CAMTA1: variants seen among roughly 807,000 people sequenced by gnomAD.
CAMTA1 encodes calmodulin-binding transcription activator 1.
In CAMTA1, 27 loss-of-function variants were observed where a neutral mutation model predicts 170.9. The observed-to-expected ratio is 0.16, with a 90% CI of 0.12 to 0.22. The LOEUF (loss-of-function observed/expected upper bound fraction) is 0.22. Ranked by LOEUF, CAMTA1 falls within the 10% of genes least tolerant of loss-of-function variation. The pLI is 1.00. For missense variants in CAMTA1, 1,619 were observed against 2,217.2 expected, an observed-to-expected ratio of 0.73 and a Z score of 5.42; for synonymous variants, 833 against 891.5, an observed-to-expected ratio of 0.93 and a Z score of 1.17.
rs935765894 is a variant in CAMTA1, at chr1:7,325,662, C to A, written c.438+76036C>A. Reference sequence around the variant, plus strand: ...TTTCTGCATGTTTTTGTCTTGAGCACCTAGAAGAATAGAGTGGGCAGTAAC... The same window carrying A: ...TTTCTGCATGTTTTTGTCTTGAGCAACTAGAAGAATAGAGTGGGCAGTAAC... On this transcript the variant is annotated intron_variant, in intron 5 of 22. Transcript: ENST00000303635. This position sits in a 1 kb window ranked among gnomAD's most constrained non-coding sequence, Gnocchi z 5.0. 1.3e-5 allele frequency among the ~76,000 whole-genome samples: 2 copies of A among 152,068 alleles called. No homozygotes were observed. The highest frequency in any genetic ancestry group is 4.8e-5 in the African/African-American group (2 of 41,384).
intron 3 of CAMTA1, among the ~76,000 whole-genome samples, chr1:6,945,820 G>A (rs1197446366): frequency 3.9e-5 from 6 of 152,194 alleles, no homozygotes; most frequent in Non-Finnish European, 1.5e-5. Context: ...CCATGTTGTA[G>A]CGTGTATCAG....
At chr1:7,477,845 G>A (rs765782367) in intron 6 of CAMTA1, among the ~76,000 whole-genome samples, 4 of 152,082 alleles carry the variant, frequency 2.6e-5, no homozygotes, top group South Asian at 4.1e-4. Flanking sequence ...CTCTGCTCCC[G>A]CCGTGTGGAC....
At chr1:7,453,809 G>A (rs1488439838) in intron 5 of CAMTA1, among the ~76,000 whole-genome samples, 1 of 152,240 alleles carries the variant, frequency 6.6e-6, no homozygotes, top group East Asian at 1.9e-4. Context: ...GGAAGGAAAG[G>A]GACGGTGGGG....
intron 4 of CAMTA1, among the ~76,000 whole-genome samples, chr1:7,158,881 C>T (rs115680898): frequency 4.6e-4 from 70 of 151,330 alleles, no homozygotes; most frequent in Non-Finnish European, 7.8e-4. Context: ...AGGAGGTTTC[C>T]CTTTGGGTTA....
intron 5 of CAMTA1, among the ~76,000 whole-genome samples, chr1:7,274,957 C>T (rs1670357193): frequency 6.6e-6 from 1 of 152,004 alleles, no homozygotes. Context: ...GCCTGGCCAA[C>T]ATGGTGAAAC....
At chr1:7,314,828 C>T (rs1240178557) in intron 5 of CAMTA1, among the ~76,000 whole-genome samples, 1 of 152,274 alleles carries the variant, frequency 6.6e-6, no homozygotes, top group African/African-American at 2.4e-5. Context: ...CCCCTAAGGC[C>T]TGACAGTACT....
At chr1:7,543,201 A>G (rs1557887865) in intron 6 of CAMTA1, among the ~76,000 whole-genome samples, 1 of 152,156 alleles carries the variant, frequency 6.6e-6, no homozygotes, top group African/African-American at 2.4e-5. Flanking sequence ...GTAATATCCC[A>G]TCTTCTGGAT....
chr1:7,377,741 G>A (rs1055655583), intron 5 of CAMTA1, among the ~76,000 whole-genome samples: 2 of 152,140 alleles, frequency 1.3e-5, no homozygotes, highest in African/African-American at 4.8e-5. Context: ...CCAACATGGT[G>A]AAACCCTGTC....
intron 5 of CAMTA1, among the ~76,000 whole-genome samples, chr1:7,400,281 A>G (rs1373057113): frequency 2.0e-5 from 3 of 151,864 alleles, no homozygotes; most frequent in African/African-American, 7.3e-5. Flanking sequence ...TACATTTTTA[A>G]TTTTATTCAT....
intron 5 of CAMTA1, among the ~76,000 whole-genome samples, chr1:7,450,612 C>T (rs556883501): frequency 9.8e-5 from 15 of 152,346 alleles, no homozygotes; most frequent in South Asian, 2.1e-4. Context: ...GATTCAATAC[C>T]GCCCCGTGCA....
At chr1:7,582,827 G>A (rs145166989) in intron 6 of CAMTA1, among the ~76,000 whole-genome samples, 440 of 151,794 alleles carry the variant, frequency 2.9e-3, no homozygotes, top group African/African-American at 0.01. Flanking sequence ...GTGCACCCAG[G>A]AGACTGGGGA....
intron 3 of CAMTA1, among the ~76,000 whole-genome samples, chr1:6,889,877 TTTC>T (rs1274650491): frequency 1.1e-4 from 17 of 152,246 alleles, no homozygotes; most frequent in African/African-American, 4.1e-4. Flanking sequence ...TTTTTAGTAT[TTTC>T]TGCTGCTGCA....
intron 3 of CAMTA1, among the ~76,000 whole-genome samples, chr1:7,086,751 C>T (rs988949313): frequency 3.3e-5 from 5 of 152,212 alleles, no homozygotes; most frequent in African/African-American, 4.8e-5. Flanking sequence ...GAACCTCATT[C>T]CTTTCTATGG....
chr1:6,912,732 C>T (rs1005156451), intron 3 of CAMTA1, among the ~76,000 whole-genome samples: 3 of 152,176 alleles, frequency 2.0e-5, no homozygotes, highest in Admixed American at 6.5e-5. Context: ...AGAAGACTAC[C>T]CCAGTTCACA....
At position 7,088,889 on chromosome 1, in the gene CAMTA1, G is replaced by A. The variant is rs574028337; in HGVS notation, c.235-2415G>A. 2.6e-5 allele frequency among the ~76,000 whole-genome samples: 4 copies of A among 152,356 alleles called. No homozygotes were observed. In the South Asian group the frequency reaches 6.2e-4, roughly 24 times the overall value. On this transcript the variant is annotated intron_variant, in intron 3 of 22. Coordinates refer to ENST00000303635, the MANE Select transcript of CAMTA1 (RefSeq NM_015215.4). Reference sequence around the variant, plus strand: ...AATCCACGTACTGACTCCAGCCGCAGTGTGCTCTGGTTTTGTGAAGCCAAA... The same window carrying A: ...AATCCACGTACTGACTCCAGCCGCAATGTGCTCTGGTTTTGTGAAGCCAAA...
intron 4 of CAMTA1, among the ~76,000 whole-genome samples, chr1:7,151,041 T>TG (rs1035655953): frequency 1.3e-5 from 2 of 152,200 alleles, no homozygotes; most frequent in African/African-American, 4.8e-5. Flanking sequence ...TGAAATCTGT[T>TG]GGGGGGAGCA....
At position 7,439,829 on chromosome 1, in the gene CAMTA1, T is replaced by C. The variant is rs143903313; in HGVS notation, c.439-28001T>C. Among the ~76,000 whole-genome samples, 481 of 152,332 alleles carry C rather than the reference T, an allele frequency of 3.2e-3. 6 individuals are homozygous for C. Among genetic ancestry groups the C allele is most frequent in the African/African-American group, 0.011 (439 of 41,584 alleles). On this transcript the variant is annotated intron_variant, in intron 5 of 22. Transcript: ENST00000303635. ...GCCCAGCCTCCCAGGAGGCAAAGCC[T>C]GGGTATCTGAGGCTGTCCAAGGTGC...
At chr1:6,941,763 G>A (rs546685796) in intron 3 of CAMTA1, among the ~76,000 whole-genome samples, 43 of 152,352 alleles carry the variant, frequency 2.8e-4, no homozygotes, top group African/African-American at 9.1e-4. Context: ...CTGGAAGGGT[G>A]GAGGCCGTAC....
intron 6 of CAMTA1, among the ~76,000 whole-genome samples, chr1:7,508,880 C>G (rs1222662312): frequency 6.6e-6 from 1 of 152,198 alleles, no homozygotes; most frequent in Non-Finnish European, 1.5e-5. Context: ...ACCTTCTCCC[C>G]CTCTTGATTT....
Sources: gnomAD v4.1 joint callset for allele counts (sites outside exome capture counted in the v4.1 genomes callset) on GRCh38, gnomAD v4.1.1 for gene constraint, Gnocchi (gnomAD v3.1) non-coding constraint, MANE v1.5 for transcripts, NCBI Gene and HGNC (gene_info 2026-07-23, HGNC 2026-07-21) for gene names.